Variants in PHEX observed in about 807,000 individuals in gnomAD.
PHEX encodes the protein phosphate regulating endopeptidase X-linked, also known as phosphate-regulating neutral endopeptidase PHEX.
A neutral mutation model predicts 68.0 loss-of-function variants in PHEX; 16 were observed. That is an observed-to-expected ratio of 0.24 (90% CI 0.16 to 0.36). The LOEUF is 0.36. Among genes scored for constraint, PHEX ranks in the 10% least tolerant of loss-of-function variants. The pLI is 1.00. For synonymous variants in PHEX, 208 were observed against 205.1 expected (o/e 1.01, Z -0.12); for missense variants, 480 against 575.5 (o/e 0.83, Z 1.70).
intron 12 of PHEX, among the ~76,000 whole-genome samples, chrX:22,161,963 G>A (rs1410969246): frequency 9.0e-6 from 1 of 111,551 alleles, no homozygotes; most frequent in Non-Finnish European, 1.9e-5. Context: ...GCCAACTAGG[G>A]TACGATGGTA....
chrX:22,091,220 G>T (rs937821388), intron 6 of PHEX, among the ~76,000 whole-genome samples: 3 of 111,867 alleles, frequency 2.7e-5, no homozygotes, highest in Non-Finnish European at 3.8e-5. Context: ...TAACTAAGAT[G>T]CTGGGCAGCT....
rs768719240 is a variant in PHEX at position 22,102,766 on chromosome X, G to C, written c.1079+3615G>C. ...AGGGGGCTAGAGAGCTGAGAGGCCA[G>C]CTTGGGCTCAGGATATGTAGAGGAA... On this transcript the variant is annotated intron_variant, in intron 9 of 21. Transcript: ENST00000379374. Among the ~76,000 whole-genome samples, 9 of 112,516 alleles carry C rather than the reference G, an allele frequency of 8.0e-5. No individual in the cohort carries two copies. In the South Asian group the frequency reaches 3.3e-3, roughly 41 times the overall value.
At chrX:22,194,243 G>GT (rs926427085) in intron 15 of PHEX, among the ~76,000 whole-genome samples, 2 of 112,118 alleles carry the variant, frequency 1.8e-5, no homozygotes, top group African/African-American at 6.5e-5. Flanking sequence ...AGCTGTTTCT[G>GT]TTTTCCTAAT....
At chrX:22,088,047 C>T (rs939896514) in intron 5 of PHEX, among the ~76,000 whole-genome samples, 18 of 111,772 alleles carry the variant, frequency 1.6e-4, no homozygotes, top group Middle Eastern at 4.6e-3. Flanking sequence ...TCATGTTATC[C>T]CTTTGCTAAG....
intron 20 of PHEX, among the ~76,000 whole-genome samples, chrX:22,243,625 A>G (rs1936299589): frequency 8.9e-6 from 1 of 112,503 alleles, no homozygotes. Flanking sequence ...GAAGGGTATG[A>G]ACAGACACTT....
intron 3 of PHEX, among the ~76,000 whole-genome samples, chrX:22,055,520 G>C (rs1263105041): frequency 9.0e-6 from 1 of 110,650 alleles, no homozygotes; most frequent in Non-Finnish European, 1.9e-5. Flanking sequence ...ACTACTGTGT[G>C]TAAAAGCTTG....
intron 11 of PHEX, among the ~76,000 whole-genome samples, chrX:22,120,444 A>T (rs1931438099): frequency 9.0e-6 from 1 of 111,691 alleles, no homozygotes; most frequent in Admixed American, 9.6e-5. Context: ...TAATATTAAG[A>T]TCCTAAAAGG....
intron 18 of PHEX, among the ~76,000 whole-genome samples, chrX:22,225,450 G>A (rs1935459859): frequency 1.8e-5 from 2 of 111,436 alleles, no homozygotes; most frequent in Non-Finnish European, 3.8e-5. Flanking sequence ...TTGGGAGGCC[G>A]TTATCCTGCG....
intron 3 of PHEX, among the ~76,000 whole-genome samples, chrX:22,065,409 C>T (rs1602265289): frequency 1.8e-5 from 2 of 111,671 alleles, no homozygotes; most frequent in Non-Finnish European, 1.9e-5. Flanking sequence ...TTCACAAGTT[C>T]ACTTCTTTAA....
intron 10 of PHEX, 103 bp from the exon 11 acceptor site, chrX:22,114,355 G>A: frequency 1.4e-6 from 1 of 730,192 alleles, no homozygotes; most frequent in Non-Finnish European, 2.2e-6. Flanking sequence ...ATGGGTTAGG[G>A]TGTGCAGTGT....
intron 3 of PHEX, among the ~76,000 whole-genome samples, chrX:22,068,130 G>A (rs1164503063): frequency 1.8e-5 from 2 of 110,696 alleles, no homozygotes; most frequent in Non-Finnish European, 3.8e-5. Flanking sequence ...GAGCCACCGC[G>A]CCTGGCCTAA....
intron 12 of PHEX, among the ~76,000 whole-genome samples, chrX:22,147,966 A>AT (rs1461459897): frequency 1.3e-4 from 13 of 98,811 alleles, no homozygotes; most frequent in South Asian, 4.5e-4. Flanking sequence ...AGTAGGTTTT[A>AT]TTTTTTTTTC....
At chrX:22,221,536 G>A (rs1935266444) in intron 17 of PHEX, 77 bp from the exon 18 acceptor site, 1 of 915,749 alleles carries the variant, frequency 1.1e-6, no homozygotes, top group Non-Finnish European at 1.6e-6. Context: ...TTGAAGGCTT[G>A]TCGAGGTGAG....
chrX:22,052,660 T>C (rs139246941), intron 3 of PHEX, among the ~76,000 whole-genome samples: 1,334 of 111,866 alleles, frequency 0.012, 22 homozygotes, highest in African/African-American at 0.041. Context: ...TCCCTTTCAT[T>C]TACCCTCTAT....
chrX:22,116,049 G>A (rs1385639124), intron 11 of PHEX, among the ~76,000 whole-genome samples: 2 of 111,811 alleles, frequency 1.8e-5, no homozygotes, highest in African/African-American at 6.5e-5. Flanking sequence ...TTCCATAATG[G>A]CTGTACCAGT....
intron 12 of PHEX, among the ~76,000 whole-genome samples, chrX:22,135,416 C>T (rs1932186445): frequency 8.9e-6 from 1 of 112,263 alleles, no homozygotes. Context: ...GCTCTTTATC[C>T]TCGCCTGACC....
At chrX:22,212,763 G>C in intron 15 of PHEX, 141 bp from the exon 16 acceptor site, 2 of 548,331 alleles carry the variant, frequency 3.6e-6, no homozygotes. Flanking sequence ...CATTGAGACA[G>C]CTAGATCTCT....
Position 22,067,931 on chromosome X carries a change from C to T in PHEX, c.350-8457C>T, listed in dbSNP as rs188395202. ...CACTGCAACCTCAACCTTCCAGGTT[C>T]AAGTGATTCTCCTGACTCAGCCTCC... On this transcript the variant is annotated intron_variant, in intron 3 of 21. Coordinates refer to ENST00000379374, the MANE Select transcript of PHEX (RefSeq NM_000444.6). Among the ~76,000 whole-genome samples the T allele has an allele frequency of 7.3e-3, 804 of 109,695 alleles. 9 individuals carry two copies. Among genetic ancestry groups the T allele is most frequent in the African/African-American group, 0.025 (746 of 30,075 alleles).
intron 11 of PHEX, among the ~76,000 whole-genome samples, chrX:22,130,011 C>T (rs1415744338): frequency 9.0e-6 from 1 of 111,594 alleles, no homozygotes; most frequent in Non-Finnish European, 1.9e-5. Flanking sequence ...TATTGAATGA[C>T]GGTGTTTGCC....
Sources: allele counts gnomAD v4.1 joint callset (sites outside exome capture counted in the v4.1 genomes callset), GRCh38; gene constraint gnomAD v4.1.1; transcripts MANE v1.5; gene names NCBI Gene and HGNC (gene_info 2026-07-23, HGNC 2026-07-21).